Variants in SCN8A observed in about 807,000 individuals in gnomAD.
SCN8A encodes sodium voltage-gated channel alpha subunit 8, also known as sodium channel protein type 8 subunit alpha.
In SCN8A, 30 loss-of-function variants were observed where a neutral mutation model predicts 184.1. The observed-to-expected ratio is 0.16, with a 90% confidence interval of 0.12 to 0.22. The LOEUF is 0.22. SCN8A is among the 10% of genes least tolerant of loss of function. The pLI, the probability that SCN8A is intolerant of heterozygous loss-of-function variation, is 1.00. For synonymous variants in SCN8A, 852 were observed against 907.0 expected, an observed-to-expected ratio of 0.94 and a Z score of 1.09; for missense variants, 1,057 against 2,498.9, an observed-to-expected ratio of 0.42 and a Z score of 12.30.
In SCN8A at chr12:51,696,325, G is replaced by A. The variant is rs189698824; in HGVS notation, c.707-3245G>A. Among the ~76,000 whole-genome samples, 204 of 152,282 alleles carry A rather than the reference G, an allele frequency of 1.3e-3. 2 individuals carry two copies. The highest frequency in any genetic ancestry group is 1.9e-3 in the Non-Finnish European group (127 of 68,024). On this transcript the variant is annotated intron_variant, in intron 6 of 26. Coordinates refer to ENST00000627620, the MANE Select transcript of SCN8A (RefSeq NM_001330260.2). Reference sequence around the variant, plus strand: ...ATGACTTTGAAAACAGTAAACTTGCGTAATTTTAGAAGCCTAGGATTGAAT... The same window carrying A: ...ATGACTTTGAAAACAGTAAACTTGCATAATTTTAGAAGCCTAGGATTGAAT...
intron 12 of SCN8A, among the ~76,000 whole-genome samples, chr12:51,741,078 G>A (rs936276133): frequency 3.9e-5 from 6 of 152,164 alleles, no homozygotes; most frequent in Non-Finnish European, 7.3e-5. Flanking sequence ...GAGCTATTGT[G>A]CCTAGCCTGA....
chr12:51,705,311 G>A, intron 9 of SCN8A, 106 bp from the exon 10 acceptor site: 1 of 991,108 alleles, frequency 1.0e-6, no homozygotes, highest in Non-Finnish European at 1.5e-6. Context: ...AAACAGTCCT[G>A]TACAAAATGC....
chr12:51,747,680 G>A (rs1942534242), intron 13 of SCN8A, among the ~76,000 whole-genome samples: 1 of 152,186 alleles, frequency 6.6e-6, no homozygotes, highest in African/African-American at 2.4e-5. Context: ...GCTGTGCTTA[G>A]AATGGTAGGA....
At chr12:51,662,388 G>A (rs1173282335) in intron 1 of SCN8A, among the ~76,000 whole-genome samples, 1 of 152,134 alleles carries the variant, frequency 6.6e-6, no homozygotes, top group Non-Finnish European at 1.5e-5. Context: ...AGGAAAGGAA[G>A]GTGACTTGAA....
chr12:51,702,631 A>G (rs1941710688), intron 8 of SCN8A, 142 bp from the exon 9 acceptor site: 4 of 643,908 alleles, frequency 6.2e-6, no homozygotes, highest in South Asian at 1.2e-4. Context: ...TTTTTCTTCT[A>G]ATTTGTTGGC....
intron 12 of SCN8A, among the ~76,000 whole-genome samples, chr12:51,724,441 CTT>C (rs1054873069): frequency 3.3e-5 from 5 of 152,118 alleles, no homozygotes; most frequent in African/African-American, 1.2e-4. Flanking sequence ...GAGCAACACT[CTT>C]GTCTCAAAAA....
intron 2 of SCN8A, among the ~76,000 whole-genome samples, chr12:51,676,508 G>C (rs2138694127): frequency 6.6e-6 from 1 of 152,286 alleles, no homozygotes; most frequent in African/African-American, 2.4e-5. Flanking sequence ...TTGGCTGTAT[G>C]CATACTCAGA....
chr12:51,708,403 C>T (rs1941818994), intron 11 of SCN8A, among the ~76,000 whole-genome samples: 1 of 152,284 alleles, frequency 6.6e-6, no homozygotes, highest in Non-Finnish European at 1.5e-5. Flanking sequence ...TAGATGTCAT[C>T]ACATAAATAG....
intron 21 of SCN8A, among the ~76,000 whole-genome samples, chr12:51,783,675 G>A (rs1565924695): frequency 6.6e-6 from 1 of 152,152 alleles, no homozygotes; most frequent in Admixed American, 6.5e-5. Context: ...TAATATTAGT[G>A]CCATGAAACA....
At position 51,809,913 on chromosome 12, in the gene SCN8A, C is replaced by CA. The variant is rs1401938963; in HGVS notation, c.*2488dup. 2.0e-5 allele frequency: 3 copies of CA among 152,108 alleles called. No individual in the cohort carries two copies. The highest frequency in any genetic ancestry group is 7.2e-5 in the African/African-American group (3 of 41,420). 9.4% of individuals were successfully genotyped at this position (152,108 alleles called of 1,614,324 possible). On this transcript the variant is annotated 3_prime_UTR_variant, in exon 27 of 27. Coordinates refer to ENST00000627620, the MANE Select transcript of SCN8A (RefSeq NM_001330260.2). ...ATTTTTTATTGCTAATGGTCTTTTC[C>CA]AAAACAACAAAAAATATATATTTTT...
intron 20 of SCN8A, among the ~76,000 whole-genome samples, chr12:51,775,355 C>T (rs550834344): frequency 1.3e-5 from 2 of 152,278 alleles, no homozygotes; most frequent in East Asian, 3.9e-4. Context: ...TGGCAAGTGC[C>T]CAATACTGAG....
intron 6 of SCN8A, among the ~76,000 whole-genome samples, chr12:51,693,992 G>A (rs979277808): frequency 1.3e-5 from 2 of 152,192 alleles, no homozygotes; most frequent in African/African-American, 4.8e-5. Flanking sequence ...GAGTGCAACG[G>A]CCTGATCTCA....
intron 1 of SCN8A, among the ~76,000 whole-genome samples, chr12:51,632,215 C>G (rs577119266): frequency 1.4e-4 from 22 of 152,270 alleles, no homozygotes; most frequent in Middle Eastern, 6.8e-3. Flanking sequence ...TTTTTCAAAC[C>G]TTTAATGCTT....
chr12:51,675,047 T>C (rs1348128191), intron 2 of SCN8A, among the ~76,000 whole-genome samples: 1 of 152,224 alleles, frequency 6.6e-6, no homozygotes. Context: ...GGGGTTAATA[T>C]GCTTTACATA....
intron 1 of SCN8A, among the ~76,000 whole-genome samples, chr12:51,654,627 T>C (rs1433548508): frequency 6.6e-6 from 1 of 152,116 alleles, no homozygotes; most frequent in Non-Finnish European, 1.5e-5. Context: ...GAAATGTGAG[T>C]CCTCCAACTT....
chr12:51,627,401 G>A (rs533704669), intron 1 of SCN8A, among the ~76,000 whole-genome samples: 22 of 152,280 alleles, frequency 1.4e-4, no homozygotes, highest in African/African-American at 5.1e-4. Context: ...GTATCTCTTT[G>A]AGACGCAGTC....
intron 21 of SCN8A, among the ~76,000 whole-genome samples, chr12:51,785,469 A>AT (rs1196728577): frequency 6.6e-6 from 1 of 152,190 alleles, no homozygotes; most frequent in Non-Finnish European, 1.5e-5. Flanking sequence ...ATATCATTGC[A>AT]TTTTTTACAC....
At chr12:51,599,387 A>G (rs1454251173) in intron 1 of SCN8A, among the ~76,000 whole-genome samples, 1 of 152,196 alleles carries the variant, frequency 6.6e-6, no homozygotes, top group Admixed American at 6.5e-5. Flanking sequence ...GATTAGAGAC[A>G]GGTTGATGGA....
At chr12:51,675,221 G>T (rs760945429) in intron 2 of SCN8A, among the ~76,000 whole-genome samples, 1 of 152,230 alleles carries the variant, frequency 6.6e-6, no homozygotes, top group Non-Finnish European at 1.5e-5. Context: ...CATTGTGCTG[G>T]CTCAGCATTG....
Sources: allele counts gnomAD v4.1 joint callset (sites outside exome capture counted in the v4.1 genomes callset), GRCh38; gene constraint gnomAD v4.1.1; transcripts MANE v1.5; gene names NCBI Gene and HGNC (gene_info 2026-07-23, HGNC 2026-07-21).